The following DTNA variants were observed in gnomAD, a reference collection of about 807,000 sequenced individuals.
DTNA encodes the protein dystrophin-related protein 3.
DTNA carries 43 observed loss-of-function variants against 100.7 expected under a neutral mutation model. That is an observed-to-expected ratio of 0.43 (90% confidence interval 0.33 to 0.55). The LOEUF (loss-of-function observed/expected upper bound fraction) is 0.55. Ranked by LOEUF, DTNA falls within the 20% of genes least tolerant of loss-of-function variation. DTNA has a pLI of 0.04. For missense variants in DTNA, 798 were observed against 953.9 expected (o/e 0.84, Z 2.15); for synonymous variants, 349 against 347.9 (o/e 1.00, Z -0.04).
At chr18:34,579,906 C>T (rs1053892827) in intron 1 of DTNA, among the ~76,000 whole-genome samples, 2 of 152,050 alleles carry the variant, frequency 1.3e-5, no homozygotes, top group Non-Finnish European at 2.9e-5. Flanking sequence ...ATTTCTTCTC[C>T]TTGATTTTCT....
chr18:34,794,870 T>C (rs1484171860), intron 4 of DTNA, among the ~76,000 whole-genome samples: 1 of 152,200 alleles, frequency 6.6e-6, no homozygotes, highest in East Asian at 1.9e-4. Context: ...AGGCTGTTCG[T>C]CCACATATCT....
At chr18:34,605,613 C>A (rs1456339122) in intron 1 of DTNA, among the ~76,000 whole-genome samples, 1 of 146,616 alleles carries the variant, frequency 6.8e-6, no homozygotes, top group African/African-American at 2.6e-5. Flanking sequence ...CTTATGCAAA[C>A]CATCAAAATT....
intron 5 of DTNA, 37 bp downstream of exon 5, chr18:34,806,341 C>T (rs1246190928): frequency 6.3e-7 from 1 of 1,579,024 alleles, no homozygotes; most frequent in Admixed American, 1.7e-5. Flanking sequence ...TTTGCTTTTC[C>T]TTGCTAGGTA....
chr18:34,543,400 A>G (rs144025219), intron 1 of DTNA, among the ~76,000 whole-genome samples: 259 of 152,240 alleles, frequency 1.7e-3, no homozygotes, highest in African/African-American at 5.8e-3. Context: ...GTAAAATAGC[A>G]TGAAGTTCTA....
intron 1 of DTNA, among the ~76,000 whole-genome samples, chr18:34,538,415 TA>T (rs2043929154): frequency 6.6e-6 from 1 of 152,066 alleles, no homozygotes; most frequent in Non-Finnish European, 1.5e-5. Flanking sequence ...TTTATCCTAG[TA>T]AAATACTGTG....
intron 1 of DTNA, among the ~76,000 whole-genome samples, chr18:34,664,324 T>C (rs1330888232): frequency 6.6e-6 from 1 of 152,138 alleles, no homozygotes; most frequent in Non-Finnish European, 1.5e-5. Flanking sequence ...TTATTAAAAA[T>C]ATATTATTTT....
intron 8 of DTNA, chr18:34,818,660 C>T (rs2095645440): frequency 8.8e-7 from 1 of 1,140,484 alleles, no homozygotes; most frequent in South Asian, 2.4e-5. Context: ...AAGTTAAAAT[C>T]TTTTCCAAGT....
intron 1 of DTNA, among the ~76,000 whole-genome samples, chr18:34,592,458 C>T (rs2049832260): frequency 8.2e-6 from 1 of 121,476 alleles, no homozygotes; most frequent in African/African-American, 3.4e-5. Context: ...TTTAGATATA[C>T]ACTTGTATAA....
chr18:34,845,251 A>G (rs1024878853), intron 13 of DTNA, among the ~76,000 whole-genome samples: 4 of 152,142 alleles, frequency 2.6e-5, no homozygotes, highest in African/African-American at 9.7e-5. Flanking sequence ...CATGTGCACA[A>G]AGGGGTAATA....
At chr18:34,705,112 T>C (rs2081953500) in intron 1 of DTNA, among the ~76,000 whole-genome samples, 1 of 152,136 alleles carries the variant, frequency 6.6e-6, no homozygotes, top group African/African-American at 2.4e-5. Flanking sequence ...CATAATAATT[T>C]TATATCAATC....
intron 15 of DTNA, among the ~76,000 whole-genome samples, chr18:34,855,828 G>T (rs751174304): frequency 4.6e-5 from 7 of 152,180 alleles, no homozygotes; most frequent in Non-Finnish European, 8.8e-5. Flanking sequence ...CTTCTTCAGA[G>T]CACTTTGTTT....
chr18:34,797,777 T>C (rs2095043904), intron 4 of DTNA, among the ~76,000 whole-genome samples: 1 of 152,196 alleles, frequency 6.6e-6, no homozygotes, highest in Non-Finnish European at 1.5e-5. Context: ...CATGGTCAAG[T>C]TGATCACCTT....
chr18:34,592,019 G>T (rs2049785341), intron 1 of DTNA, among the ~76,000 whole-genome samples: 1 of 152,086 alleles, frequency 6.6e-6, no homozygotes, highest in Non-Finnish European at 1.5e-5. Flanking sequence ...TTGCTTTCTG[G>T]CATCTACGTT....
Position 34,572,252 on chromosome 18 carries a change from T to C in DTNA, c.-2+78738T>C, listed in dbSNP as rs1181107808. On this transcript the variant is annotated intron_variant, in intron 1 of 19. Transcript: ENST00000283365. ...TGACTGGGCCAATCGTTGTTATCCC[T>C]AAGTGATTCAAATCTGCTGTTTTTC... is the stretch of plus-strand genomic sequence containing the variant. Among the ~76,000 whole-genome samples the C allele has an allele frequency of 2.6e-5, 4 of 152,228 alleles. 1 individual carries two copies. The highest frequency in any genetic ancestry group is 9.6e-5 in the African/African-American group (4 of 41,460).
At position 34,581,448 on chromosome 18, in the gene DTNA, TTG is replaced by T. The variant is rs2048623628; in HGVS notation, c.-2+87938_-2+87939del. Among the ~76,000 whole-genome samples, 3 of 152,256 alleles carry T rather than the reference TTG, an allele frequency of 2.0e-5. No homozygotes were observed. The South Asian group carries it at 6.2e-4, about 32-fold the overall frequency. ...TGAAAATTAATTTCTTTGGATTTCT[TTG>T]TGTCTTCAGCTCTCTGATGTGTTTT... is the stretch of plus-strand genomic sequence containing the variant. On this transcript the variant is annotated intron_variant, in intron 1 of 19. Coordinates refer to the DTNA transcript ENST00000283365.
At chr18:34,718,883 C>T (rs942086115) in intron 1 of DTNA, among the ~76,000 whole-genome samples, 2 of 152,178 alleles carry the variant, frequency 1.3e-5, no homozygotes, top group African/African-American at 4.8e-5. Flanking sequence ...AGGAGCACAT[C>T]ATGTGAGAGT....
chr18:34,725,360 T>A (rs2086381384), intron 1 of DTNA, among the ~76,000 whole-genome samples: 1 of 151,042 alleles, frequency 6.6e-6, no homozygotes, highest in African/African-American at 2.4e-5. Flanking sequence ...GACAAAGGGC[T>A]AATATCTAGA....
Position 34,711,647 on chromosome 18 carries a change from G to C in DTNA, c.-2+1202G>C, listed in dbSNP as rs924362334. ...AAAGCCAATAAATTTTCCCAAGTTT[G>C]TTCATACAGCATGCTTTCTTACAAA... On this transcript the variant is annotated intron_variant, in intron 1 of 22. Transcript: ENST00000444659. Among the ~76,000 whole-genome samples the C allele has an allele frequency of 1.1e-4, 16 of 152,178 alleles. 1 individual carries two copies. The highest frequency in any genetic ancestry group is 6.8e-3 in the Middle Eastern group (2 of 292).
intron 3 of DTNA, among the ~76,000 whole-genome samples, chr18:34,777,486 C>G (rs773525224): frequency 1.3e-5 from 2 of 152,164 alleles, no homozygotes; most frequent in Non-Finnish European, 2.9e-5. Flanking sequence ...CAGTATCCAT[C>G]CATTTTCACA....
Sources: allele counts gnomAD v4.1 joint callset (sites outside exome capture counted in the v4.1 genomes callset), GRCh38; gene constraint gnomAD v4.1.1; transcripts MANE v1.5; gene names NCBI Gene and HGNC (gene_info 2026-07-23, HGNC 2026-07-21).